Variants in EIF2A observed in about 807,000 individuals in gnomAD.
EIF2A encodes eukaryotic translation initiation factor 2A, also known as 65 kDa eukaryotic translation initiation factor 2A.
A neutral mutation model predicts 75.2 loss-of-function variants in EIF2A; 62 were observed. The observed-to-expected ratio is 0.82, with a 90% confidence interval of 0.67 to 1.02. The LOEUF (loss-of-function observed/expected upper bound fraction) is 1.02. EIF2A is among the 50% of genes least tolerant of loss of function. The pLI, the probability that EIF2A is intolerant of heterozygous loss-of-function variation, is 0.00. For synonymous variants in EIF2A, 207 were observed against 239.0 expected (o/e 0.87, Z 1.23); for missense variants, 611 against 677.7 (o/e 0.90, Z 1.09).
Position 150,549,538 on chromosome 3 carries a change from C to G in EIF2A, c.28+2708C>G, listed in dbSNP as rs569260627. ...TGGCCAGAAATCTGTTTTTCTTCAT[C>G]TGTAGGTTCTTGCTTTCCTCCAGAT... On this transcript the variant is annotated intron_variant, in intron 1 of 13. Coordinates refer to ENST00000460851, the MANE Select transcript of EIF2A (RefSeq NM_032025.5). 3.3e-5 allele frequency among the ~76,000 whole-genome samples: 5 copies of G among 152,212 alleles called. No individual in the cohort carries two copies. The South Asian group carries it at 1.0e-3, about 32-fold the overall frequency.
chr3:150,547,678 C>A (rs936950422), intron 1 of EIF2A, among the ~76,000 whole-genome samples: 3 of 152,064 alleles, frequency 2.0e-5, no homozygotes, highest in African/African-American at 7.2e-5. Flanking sequence ...GAGGCTATTC[C>A]CTCCCTTCCC....
In EIF2A at chr3:150,552,404, C is replaced by G; in HGVS notation, c.77C>G (p.Thr26Arg). ...LYMVNGPPHF[T>R]ESTVFPRESG... The stretch of plus-strand genomic sequence containing the variant: ...ATGGTGAATGGACCACCACATTTTA[C>G]AGAAAGCACAGTGTTTCCAAGGTAT... The change falls in exon 2 of 14, where the codon ACA (threonine) becomes AGA (arginine). Residue 26 changes from threonine (T) to arginine (R), a missense_variant. Thr to Arg is a moderately conservative substitution (Grantham distance 71, BLOSUM62 -1). Coordinates refer to ENST00000460851, the MANE Select transcript of EIF2A (RefSeq NM_032025.5). 5.8e-6 allele frequency: 9 copies of G among 1,553,288 alleles called. No individual in the cohort carries two copies. The highest frequency in any genetic ancestry group is 3.6e-5 in the South Asian group (3 of 84,130).
intron 4 of EIF2A, chr3:150,562,877 A>C (rs1160717348): frequency 3.2e-6 from 1 of 317,424 alleles, no homozygotes; most frequent in Non-Finnish European, 5.8e-6. Context: ...TAATGTAAAG[A>C]GCCATTATGA....
At chr3:150,564,274 CTT>C (rs147595145) in intron 5 of EIF2A, 23 bp from the exon 6 acceptor site, 2,101 of 1,111,722 alleles carry the variant, frequency 1.9e-3, no homozygotes, top group South Asian at 3.6e-3. Context: ...ATTTTTTATA[CTT>C]TTTTTTTTTT....
chr3:150,564,957 ATTTT>A (rs1437565467), intron 6 of EIF2A: 1 of 173,980 alleles, frequency 5.7e-6, no homozygotes, highest in Admixed American at 6.0e-5. Flanking sequence ...AAATGTTACA[ATTTT>A]TTTTAAAACT....
At chr3:150,573,990 G>A (rs913672188) in intron 10 of EIF2A, among the ~76,000 whole-genome samples, 16 of 152,090 alleles carry the variant, frequency 1.1e-4, no homozygotes, top group Admixed American at 6.5e-4. Flanking sequence ...CGGGTGGATC[G>A]CCTGAGCTCA....
chr3:150,576,122 T>C (rs1358818764), intron 11 of EIF2A, among the ~76,000 whole-genome samples: 4 of 151,862 alleles, frequency 2.6e-5, no homozygotes, highest in African/African-American at 9.7e-5. Flanking sequence ...CTTTAAGCCT[T>C]AAAGTTTAAA....
rs1377393923 is a variant in EIF2A, at chr3:150,546,825, T to G, written c.23T>G (p.Leu8Trp). ...AACATGGCGCCGTCCACGCCGCTCT[T>G]GACAGGTGAGTTCTGAAGAAGCGAG... MAPSTPLLTVRGSEGLYM... is the reference protein window; with the variant it reads MAPSTPLWTVRGSEGLYM... The change falls in exon 1 of 14, where the codon TTG becomes TGG. Residue 8 changes from leucine to tryptophan, a missense_variant. Coordinates refer to ENST00000460851, the MANE Select transcript of EIF2A (RefSeq NM_032025.5). 6.2e-7 allele frequency: 1 copy of G among 1,612,486 alleles called. No homozygotes were observed. The highest frequency in any genetic ancestry group is 8.5e-7 in the Non-Finnish European group (1 of 1,179,894).
intron 6 of EIF2A, chr3:150,564,635 A>G (rs1383336606): frequency 7.3e-6 from 2 of 272,928 alleles, no homozygotes; most frequent in Admixed American, 9.9e-5. Context: ...CCTGAATTTA[A>G]TTGCTATTGA....
rs199954782 is a variant in EIF2A, at chr3:150,583,194, T to C, written c.1627-6T>C. ...CATGCTCTTGACTCATATTTGATGT[T>C]TGCAGAAACTGAAAGCAATCGAACA... On this transcript the variant is annotated splice_polypyrimidine_tract_variant and splice_region_variant and intron_variant, in intron 12 of 13. Coordinates refer to ENST00000460851, the MANE Select transcript of EIF2A (RefSeq NM_032025.5). 477 of 1,611,088 alleles carry C rather than the reference T, an allele frequency of 3.0e-4. No individual in the cohort carries two copies. The highest frequency in any genetic ancestry group is 3.9e-4 in the Non-Finnish European group (460 of 1,179,100).
At chr3:150,571,895 T>C in intron 9 of EIF2A, 63 bp from the exon 10 acceptor site, 1 of 1,461,290 alleles carries the variant, frequency 6.8e-7, no homozygotes, top group East Asian at 2.3e-5. Flanking sequence ...TGATGGTAAC[T>C]TTTGCTAACA....
chr3:150,562,245 AC>A (rs1307307940), intron 3 of EIF2A, among the ~76,000 whole-genome samples: 1 of 151,806 alleles, frequency 6.6e-6, no homozygotes, highest in African/African-American at 2.4e-5. Flanking sequence ...ACACGGTGAA[AC>A]CCCATCTCTA....
chr3:150,581,732 A>G lies in EIF2A; in HGVS notation c.1612A>G (p.Lys538Glu). 1 of 1,558,166 alleles carries G rather than the reference A, an allele frequency of 6.4e-7. No homozygotes were observed. The highest frequency in any genetic ancestry group is 8.7e-7 in the Non-Finnish European group (1 of 1,150,340). Residue 538 changes from lysine (K) to glutamate (E), a missense_variant, in exon 12 of 14, where the codon AAG (lysine) becomes GAG (glutamate). By Grantham distance (56) the Lys-to-Glu change is moderately conservative. Coordinates refer to ENST00000460851, the MANE Select transcript of EIF2A (RefSeq NM_032025.5). The part of the protein sequence containing the change: ...SGDPEIDKKI[K>E]NLKKKLKAIE... ...GGACCCTGAGATAGACAAAAAAATC[A>G]AGAACCTAAAGAAGGTGAGAGACTT...
intron 6 of EIF2A, chr3:150,565,833 T>C (rs1724149951): frequency 6.8e-6 from 1 of 146,508 alleles, no homozygotes; most frequent in African/African-American, 2.6e-5. Flanking sequence ...TTCGCTGTTG[T>C]TGCCCGGGCT....
intron 5 of EIF2A, 140 bp from the exon 6 acceptor site, chr3:150,564,159 A>G: frequency 1.5e-6 from 1 of 648,140 alleles, no homozygotes; most frequent in Admixed American, 3.6e-5. Context: ...TTAGTAACTG[A>G]CTTAATATCA....
chr3:150,575,734 A>C lies in EIF2A; in HGVS notation c.1469A>C (p.Lys490Thr). Residue 490 changes from lysine (K) to threonine (T), a missense_variant, in exon 11 of 14, where the codon AAG (lysine) becomes ACG (threonine). Transcript: ENST00000460851. ...AAAACAGCTCTTAAAAATCAAAGGA[A>C]GCATGAAGCTAAGAAAGCTGCAAAG... The part of the protein sequence containing the change: ...LSKTALKNQR[K>T]HEAKKAAKQE... 1 of 1,612,528 alleles carries C rather than the reference A, an allele frequency of 6.2e-7. No homozygotes were observed. Among genetic ancestry groups the C allele is most frequent in the South Asian group, 1.1e-5 (1 of 90,674 alleles).
Position 150,568,209 on chromosome 3 carries a change from T to C in EIF2A, c.728T>C (p.Val243Ala). 1 of 1,613,590 alleles carries C rather than the reference T, an allele frequency of 6.2e-7. No individual in the cohort carries two copies. The highest frequency in any genetic ancestry group is 8.5e-7 in the Non-Finnish European group (1 of 1,179,726). The part of the protein sequence containing the change: ...TAVLVIASTD[V>A]DKTGASYYGE... The stretch of plus-strand genomic sequence containing the variant: ...GTGTTGGTAATAGCTAGCACAGATG[T>C]TGACAAGACAGGAGCTTCCTACTAT... The change falls in exon 9 of 14, where the codon GTT becomes GCT. Residue 243 changes from valine to alanine, a missense_variant. By Grantham distance (64) the Val-to-Ala change is moderately conservative. Transcript: ENST00000460851.
intron 1 of EIF2A, among the ~76,000 whole-genome samples, chr3:150,549,974 G>A (rs1723237051): frequency 6.6e-6 from 1 of 152,168 alleles, no homozygotes; most frequent in Non-Finnish European, 1.5e-5. Flanking sequence ...CCCCTGCCAT[G>A]GGATCCTTGT....
chr3:150,552,557 A>T (rs1474262109), intron 2 of EIF2A, 132 bp downstream of exon 2: 1 of 682,720 alleles, frequency 1.5e-6, no homozygotes, highest in Non-Finnish European at 2.4e-6. Flanking sequence ...ATATTTACCG[A>T]AGATGAAAAG....
Sources: allele counts gnomAD v4.1 joint callset (sites outside exome capture counted in the v4.1 genomes callset), GRCh38; gene constraint gnomAD v4.1.1; transcripts MANE v1.5; gene names NCBI Gene and HGNC (gene_info 2026-07-23, HGNC 2026-07-21).